The following FER variants were observed in gnomAD, a reference collection of about 807,000 sequenced individuals.
FER encodes the protein FER tyrosine kinase, also known as tyrosine-protein kinase Fer.
Under a neutral mutation model 111.0 loss-of-function variants are expected in FER, and 63 were observed. The observed-to-expected ratio is 0.57, with a 90% CI of 0.46 to 0.70. The LOEUF is 0.70. Ranked by LOEUF, FER falls within the 30% of genes least tolerant of loss-of-function variation. The pLI is 0.00. For synonymous variants in FER, 327 were observed against 313.9 expected, an observed-to-expected ratio of 1.04 and a Z score of -0.44; for missense variants, 914 against 954.0, an observed-to-expected ratio of 0.96 and a Z score of 0.55.
chr5:108,901,534 C>G (rs1750025174), intron 10 of FER, among the ~76,000 whole-genome samples: 1 of 152,004 alleles, frequency 6.6e-6, no homozygotes, highest in South Asian at 2.1e-4. Context: ...TAAGCAGAAT[C>G]AGAAATAAAA....
intron 13 of FER, among the ~76,000 whole-genome samples, chr5:109,020,646 C>T (rs1767798128): frequency 1.3e-5 from 2 of 151,760 alleles, no homozygotes; most frequent in African/African-American, 4.8e-5. Context: ...ATGTTTTATC[C>T]AGCTATTATA....
intron 17 of FER, among the ~76,000 whole-genome samples, chr5:109,176,965 G>A (rs1358641507): frequency 6.6e-6 from 1 of 152,114 alleles, no homozygotes; most frequent in African/African-American, 2.4e-5. Context: ...TATACATGTA[G>A]TACAAGTTTT....
At chr5:109,048,998 ATTT>A in intron 16 of FER, among the ~76,000 whole-genome samples, 1 of 152,094 alleles carries the variant, frequency 6.6e-6, no homozygotes, top group South Asian at 2.1e-4. Flanking sequence ...GGTCATTTTT[ATTT>A]TTATTATTTG....
rs950012189 is a variant in FER at position 109,193,633 on chromosome 5, C to G, written c.*6058C>G. The G allele has an allele frequency of 6.6e-6, 1 of 152,170 alleles. No individual in the cohort carries two copies. Among genetic ancestry groups the G allele is most frequent in the African/African-American group, 2.4e-5 (1 of 41,444 alleles). The allele number at this position is 152,170 out of a possible 1,614,324, so 9.4% of individuals were successfully genotyped here. On this transcript the variant is annotated 3_prime_UTR_variant, in exon 20 of 20. Transcript: ENST00000281092. ...CATTCAGAAAGTTTTTCTTGAACATCTGCCACATGAGGTGCAGAGAATACT... is the reference window on the plus strand; with the variant it reads ...CATTCAGAAAGTTTTTCTTGAACATGTGCCACATGAGGTGCAGAGAATACT...
chr5:108,884,639 C>G (rs61170909), intron 9 of FER, among the ~76,000 whole-genome samples: 34,186 of 151,572 alleles, frequency 0.23, 4,032 homozygotes, highest in African/African-American at 0.28. Context: ...TTAAAATATA[C>G]TTAAGTCTTG....
intron 17 of FER, among the ~76,000 whole-genome samples, chr5:109,129,070 A>T (rs1378312472): frequency 2.0e-5 from 3 of 152,074 alleles, no homozygotes; most frequent in African/African-American, 7.2e-5. Context: ...AGTAAAAATG[A>T]TATTTTAAAT....
At chr5:108,918,546 G>T (rs751401403) in intron 10 of FER, among the ~76,000 whole-genome samples, 1 of 151,196 alleles carries the variant, frequency 6.6e-6, no homozygotes, top group South Asian at 2.1e-4. Flanking sequence ...GAGTGCAGTG[G>T]TGCGATCTCT....
chr5:109,183,538 C>T (rs558100299), intron 18 of FER, among the ~76,000 whole-genome samples: 40 of 152,222 alleles, frequency 2.6e-4, no homozygotes, highest in Admixed American at 1.9e-3. Context: ...CGTGAGCTAC[C>T]GTGCCCAATC....
chr5:109,178,233 C>A (rs912659038), intron 17 of FER, among the ~76,000 whole-genome samples: 1 of 152,152 alleles, frequency 6.6e-6, no homozygotes, highest in Non-Finnish European at 1.5e-5. Context: ...AAAAAGATCC[C>A]ATTTCCACTC....
intron 3 of FER, among the ~76,000 whole-genome samples, chr5:108,810,425 C>G (rs4537096): frequency 6.6e-6 from 1 of 152,086 alleles, no homozygotes; most frequent in East Asian, 1.9e-4. Flanking sequence ...TGTGTGGGGC[C>G]GGACTGGGCA....
intron 17 of FER, among the ~76,000 whole-genome samples, chr5:109,149,086 TA>T (rs5870348): frequency 2.0e-5 from 3 of 151,666 alleles, no homozygotes; most frequent in Admixed American, 2.0e-4. Flanking sequence ...TCTGATATAT[TA>T]AAAAAAATGC....
chr5:109,037,599 G>A (rs1373126116), intron 14 of FER, 121 bp downstream of exon 14: 4 of 671,572 alleles, frequency 6.0e-6, no homozygotes, highest in Non-Finnish European at 1.0e-5. Flanking sequence ...ACATTAACTA[G>A]AACACAATGC....
At chr5:108,879,519 G>A (rs1765423133) in intron 8 of FER, among the ~76,000 whole-genome samples, 1 of 151,226 alleles carries the variant, frequency 6.6e-6, no homozygotes, top group African/African-American at 2.4e-5. Flanking sequence ...GGTGAATATT[G>A]TACTTTGAAA....
chr5:109,159,659 C>T (rs894494813), intron 17 of FER, among the ~76,000 whole-genome samples: 1 of 152,168 alleles, frequency 6.6e-6, no homozygotes, highest in African/African-American at 2.4e-5. Context: ...GTAGAATCCT[C>T]TTTCATAAAA....
intron 16 of FER, among the ~76,000 whole-genome samples, chr5:109,097,375 T>C (rs74355690): frequency 0.034 from 5,190 of 151,726 alleles, 143 homozygotes; most frequent in South Asian, 0.084. Context: ...GAAAAAAGTC[T>C]TGATAAGCAG....
intron 13 of FER, among the ~76,000 whole-genome samples, chr5:108,985,168 G>C (rs1762424790): frequency 6.6e-6 from 1 of 152,118 alleles, no homozygotes; most frequent in Non-Finnish European, 1.5e-5. Context: ...CAGGTCACAT[G>C]AGAGTGACTA....
intron 1 of FER, among the ~76,000 whole-genome samples, chr5:108,761,860 TC>T (rs1222315494): frequency 7.9e-5 from 12 of 152,150 alleles, no homozygotes; most frequent in Admixed American, 7.9e-4. Flanking sequence ...ATTGACTCAG[TC>T]CCACATTTTA....
intron 16 of FER, chr5:109,052,010 C>T (rs1251095269): frequency 5.0e-6 from 8 of 1,587,508 alleles, no homozygotes; most frequent in Admixed American, 1.7e-5. Flanking sequence ...CGCAGCAACC[C>T]CCCTTGCATT....
At chr5:109,067,549 A>C (rs1775261530) in intron 16 of FER, among the ~76,000 whole-genome samples, 1 of 151,936 alleles carries the variant, frequency 6.6e-6, no homozygotes, top group South Asian at 2.1e-4. Flanking sequence ...TTTTAATTTG[A>C]TAAAATATCT....
Sources: gnomAD v4.1 joint callset for allele counts (sites outside exome capture counted in the v4.1 genomes callset) on GRCh38, gnomAD v4.1.1 for gene constraint, MANE v1.5 for transcripts, NCBI Gene and HGNC (gene_info 2026-07-23, HGNC 2026-07-21) for gene names.